Variants in MGAM2 observed in about 807,000 individuals in gnomAD.
MGAM2 encodes the protein probable maltase-glucoamylase 2.
MGAM2 carries 98 observed loss-of-function variants against 96.1 expected under a neutral mutation model. That is an observed-to-expected ratio of 1.02 (90% CI 0.87 to 1.21). The LOEUF is 1.21. MGAM2 is among the 50% of genes most tolerant of loss of function. The pLI is 0.00. For synonymous variants in MGAM2, 749 were observed against 414.8 expected, an observed-to-expected ratio of 1.81 and a Z score of -9.79; for missense variants, 2,055 against 1,182.4, an observed-to-expected ratio of 1.74 and a Z score of -10.82.
chr7:142,210,606 C>T (rs1318905178), intron 46 of MGAM2, among the ~76,000 whole-genome samples: 1 of 152,168 alleles, frequency 6.6e-6, no homozygotes, highest in Non-Finnish European at 1.5e-5. Context: ...ACCACAGCTC[C>T]ACAAAGCCGC....
At chr7:142,163,611 A>G (rs570744944) in intron 23 of MGAM2, among the ~76,000 whole-genome samples, 5 of 152,316 alleles carry the variant, frequency 3.3e-5, no homozygotes, top group African/African-American at 9.6e-5. Flanking sequence ...ATAAGTGCCT[A>G]AGAGTGCAGT....
At chr7:142,167,661 C>T (rs935640773) in intron 26 of MGAM2, among the ~76,000 whole-genome samples, 175 bp downstream of exon 26, 1 of 152,236 alleles carries the variant, frequency 6.6e-6, no homozygotes, top group African/African-American at 2.4e-5. Context: ...TAACTTCCAC[C>T]TCCCTGGCTC....
chr7:142,170,380 A>C (rs1312748753), intron 27 of MGAM2, among the ~76,000 whole-genome samples, 151 bp downstream of exon 27: 2 of 152,238 alleles, frequency 1.3e-5, no homozygotes, highest in Non-Finnish European at 2.9e-5. Context: ...GCTTTAATGG[A>C]TAATTTGTTT....
intron 15 of MGAM2, among the ~76,000 whole-genome samples, chr7:142,152,423 AC>A: frequency 6.6e-6 from 1 of 152,174 alleles, no homozygotes; most frequent in African/African-American, 2.4e-5. Flanking sequence ...CTCTCCTCCA[AC>A]CTACCCCTAT....
At chr7:142,173,109 T>C in intron 30 of MGAM2, 120 bp from the exon 31 acceptor site, 1 of 568,140 alleles carries the variant, frequency 1.8e-6, no homozygotes, top group East Asian at 2.8e-5. Flanking sequence ...TTTCTTATCT[T>C]TCTTGGGTGA....
chr7:142,165,285 A>T (rs1795998746), intron 24 of MGAM2, among the ~76,000 whole-genome samples: 1 of 152,100 alleles, frequency 6.6e-6, no homozygotes, highest in African/African-American at 2.4e-5. Context: ...TTAAAATGAG[A>T]CACTCTGATC....
intron 35 of MGAM2, among the ~76,000 whole-genome samples, chr7:142,186,810 G>A (rs1796712584): frequency 6.6e-6 from 1 of 152,182 alleles, no homozygotes; most frequent in African/African-American, 2.4e-5. Context: ...TGAAAACACA[G>A]GGGCCTCCCT....
chr7:142,221,035 A>G lies in MGAM2; in HGVS notation c.6524A>G (p.Asn2175Ser). The change falls in exon 48 of 48, where the codon AAT becomes AGT. Residue 2175 changes from asparagine to serine, a missense_variant. Physicochemically the swap from Asn to Ser is conservative, Grantham distance 46. Coordinates refer to ENST00000477922, the MANE Select transcript of MGAM2 (RefSeq NM_001293626.2). The part of the protein sequence containing the change: ...SHTSTDDTVP[N>S]NTVPVTAIPS... ...ACAAGTACTGATGATACTGTTCCTA[A>G]TAATACTGTTCCAGTTACAGCTATT... 1.4e-6 allele frequency: 1 copy of G among 702,470 alleles called. No individual in the cohort carries two copies. The highest frequency in any genetic ancestry group is 2.6e-6 in the Non-Finnish European group (1 of 384,738). The allele number at this position is 702,470 out of a possible 1,614,324, so 43.5% of individuals were successfully genotyped here. A position where few individuals can be genotyped will look rare whatever the true frequency, so the allele number is the denominator to read the frequency against.
chr7:142,211,736 G>T (rs554603155), intron 46 of MGAM2, among the ~76,000 whole-genome samples: 1 of 152,300 alleles, frequency 6.6e-6, no homozygotes, highest in South Asian at 2.1e-4. Context: ...TGAAAGTGAC[G>T]AGGAGAATGG....
rs1297962251 is a variant in MGAM2 at position 142,175,684 on chromosome 7, C to A, written c.3720C>A (p.Asn1240Lys). ...DVQHVDIDYM[N>K]RKLDFTLSAN... ...AGCATGTAGACATCGATTACATGAA[C>A]CGGAAGCTGGATTTCACCCTCAGTG... is the stretch of plus-strand genomic sequence containing the variant. Residue 1240 changes from asparagine to lysine, a missense_variant, in exon 32 of 48, where the codon AAC becomes AAA. Physicochemically the swap from Asn to Lys is moderately conservative, Grantham distance 94. Transcript: ENST00000477922. The A allele has an allele frequency of 1.0e-5, 7 of 702,734 alleles. No homozygotes were observed. 43.5% of individuals were successfully genotyped at this position (702,734 alleles called of 1,614,324 possible). A position where few individuals can be genotyped will look rare whatever the true frequency, so the allele number is the denominator to read the frequency against.
At chr7:142,163,237 A>G (rs1234235148) in intron 23 of MGAM2, among the ~76,000 whole-genome samples, 1 of 152,300 alleles carries the variant, frequency 6.6e-6, no homozygotes, top group African/African-American at 2.4e-5. Flanking sequence ...TAAAATTGCT[A>G]CTAACACTCA....
intron 2 of MGAM2, among the ~76,000 whole-genome samples, chr7:142,117,405 G>A (rs1817449319): frequency 6.6e-6 from 1 of 152,168 alleles, no homozygotes; most frequent in Admixed American, 6.5e-5. Context: ...CATAGCTATA[G>A]TTTCTTCATA....
At chr7:142,173,378 A>G in intron 31 of MGAM2, 24 bp downstream of exon 31, 1 of 697,784 alleles carries the variant, frequency 1.4e-6, no homozygotes, top group Non-Finnish European at 2.6e-6. Flanking sequence ...ACTCAGCCCA[A>G]GGTGTAATTA....
chr7:142,181,224 G>C (rs928442200), intron 32 of MGAM2, among the ~76,000 whole-genome samples: 7 of 152,184 alleles, frequency 4.6e-5, no homozygotes, highest in Admixed American at 3.9e-4. Flanking sequence ...TGTTTTTATA[G>C]TCTTTATTTT....
At chr7:142,145,951 T>A (rs1795369729) in intron 14 of MGAM2, among the ~76,000 whole-genome samples, 1 of 152,204 alleles carries the variant, frequency 6.6e-6, no homozygotes, top group Non-Finnish European at 1.5e-5. Context: ...TTGCCCACTT[T>A]ACTTATACCC....
chr7:142,160,504 C>T (rs1169810386), intron 21 of MGAM2, among the ~76,000 whole-genome samples: 1 of 151,940 alleles, frequency 6.6e-6, no homozygotes, highest in Non-Finnish European at 1.5e-5. Context: ...TAGGACTAGT[C>T]AAAGTAATCA....
At chr7:142,203,647 C>T (rs1349131494) in intron 45 of MGAM2, among the ~76,000 whole-genome samples, 3 of 152,004 alleles carry the variant, frequency 2.0e-5, no homozygotes, top group Non-Finnish European at 4.4e-5. Context: ...GGTATAAAAA[C>T]AGACACATAG....
rs992958905 is a variant in MGAM2 at position 142,114,036 on chromosome 7, C to T, written c.-1+2229C>T. Among the ~76,000 whole-genome samples, 8 of 151,522 alleles carry T rather than the reference C, an allele frequency of 5.3e-5. No individual in the cohort carries two copies. In the East Asian group the frequency reaches 9.7e-4, roughly 18 times the overall value. ...GTCCTAGCTACTCGCGGGGCTGAGG[C>T]GGGAGAATCACTTGAACCTGGGTGG... On this transcript the variant is annotated intron_variant, in intron 1 of 47. Coordinates refer to ENST00000477922, the MANE Select transcript of MGAM2 (RefSeq NM_001293626.2).
chr7:142,221,630 A>G lies in MGAM2; in HGVS notation c.7119A>G (p.Thr2373=). The G allele has an allele frequency of 2.1e-6, 1 of 466,188 alleles. No individual in the cohort carries two copies. The allele number at this position is 466,188 out of a possible 1,614,324, so 28.9% of individuals were successfully genotyped here. The change falls in exon 48 of 48, where the codon ACA becomes ACG. Residue 2373 remains threonine (T), a synonymous_variant. Coordinates refer to ENST00000477922, the MANE Select transcript of MGAM2 (RefSeq NM_001293626.2). ...ATAATACCATGAGTCCAGATACAAC[A>G]GTTACTTCCATAGACAAATTCACCA... ...TKDNTMSPDT[T]VTSIDKFTTH...
Sources: allele counts gnomAD v4.1 joint callset (sites outside exome capture counted in the v4.1 genomes callset), GRCh38; gene constraint gnomAD v4.1.1; transcripts MANE v1.5; gene names NCBI Gene and HGNC (gene_info 2026-07-23, HGNC 2026-07-21).